Variants in OXCT1 observed in about 807,000 individuals in gnomAD.
The protein encoded by OXCT1 is succinyl-CoA:3-ketoacid coenzyme A transferase 1, mitochondrial.
In OXCT1, 27 loss-of-function variants were observed where a neutral mutation model predicts 69.6. The ratio of observed to expected loss-of-function variants is 0.39; its 90% confidence interval spans 0.29 to 0.54. The LOEUF is 0.54. Among genes scored for constraint, OXCT1 ranks in the 20% least tolerant of loss-of-function variants. The pLI is 0.72. For synonymous variants in OXCT1, 202 were observed against 217.8 expected (o/e 0.93, Z 0.64); for missense variants, 437 against 650.2 (o/e 0.67, Z 3.57).
chr5:41,840,086 C>A (rs1351358047), intron 7 of OXCT1, among the ~76,000 whole-genome samples: 1 of 152,198 alleles, frequency 6.6e-6, no homozygotes, highest in African/African-American at 2.4e-5. Flanking sequence ...AAATCTATCA[C>A]AGTAAGATCA....
At chr5:41,847,050 A>G (rs1159140329) in intron 5 of OXCT1, among the ~76,000 whole-genome samples, 10 of 152,154 alleles carry the variant, frequency 6.6e-5, no homozygotes, top group Admixed American at 2.6e-4. Context: ...AATAAAGAAA[A>G]AAAGAGAGAA....
chr5:41,845,837 A>C (rs1391943914), intron 5 of OXCT1, among the ~76,000 whole-genome samples: 1 of 152,154 alleles, frequency 6.6e-6, no homozygotes, highest in Non-Finnish European at 1.5e-5. Context: ...CTTTGTCAAG[A>C]AGCCTTTTAA....
At chr5:41,805,907 C>T (rs1268801845) in intron 8 of OXCT1, among the ~76,000 whole-genome samples, 8 of 152,050 alleles carry the variant, frequency 5.3e-5, no homozygotes, top group African/African-American at 1.2e-4. Context: ...GAGGAAGATA[C>T]GCTGTTCAGT....
intron 5 of OXCT1, among the ~76,000 whole-genome samples, chr5:41,847,954 C>A (rs1246036186): frequency 2.0e-5 from 3 of 150,348 alleles, no homozygotes; most frequent in Non-Finnish European, 3.0e-5. Context: ...AGAAGGAAAT[C>A]AAGGGTATTC....
At chr5:41,867,937 T>A (rs1034215479) in intron 1 of OXCT1, among the ~76,000 whole-genome samples, 1 of 152,206 alleles carries the variant, frequency 6.6e-6, no homozygotes, top group Non-Finnish European at 1.5e-5. Context: ...TATTTTCACC[T>A]AAGTCCATGC....
intron 13 of OXCT1, among the ~76,000 whole-genome samples, chr5:41,781,312 C>T (rs372196120): frequency 9.2e-5 from 14 of 152,220 alleles, no homozygotes; most frequent in African/African-American, 3.1e-4. Flanking sequence ...GTTAATACAA[C>T]ACCTAATACA....
intron 7 of OXCT1, among the ~76,000 whole-genome samples, chr5:41,811,942 T>C (rs1211646395): frequency 6.6e-6 from 1 of 152,092 alleles, no homozygotes; most frequent in African/African-American, 2.4e-5. Context: ...ATCACACTTA[T>C]GGTCATATAA....
chr5:41,734,680 G>A (rs1742799704), intron 16 of OXCT1, among the ~76,000 whole-genome samples: 1 of 152,086 alleles, frequency 6.6e-6, no homozygotes, highest in Non-Finnish European at 1.5e-5. Flanking sequence ...ATAAGCCAAA[G>A]GATTCCTTAG....
intron 13 of OXCT1, among the ~76,000 whole-genome samples, chr5:41,788,764 T>C (rs1022864201): frequency 1.3e-5 from 2 of 152,196 alleles, no homozygotes; most frequent in Non-Finnish European, 2.9e-5. Flanking sequence ...ACTTGAACAA[T>C]ACTAACTGCC....
rs1743688007 is a variant in OXCT1 at position 41,750,009 on chromosome 5, T to C, written c.1339-402A>G. On this transcript the variant is annotated intron_variant, in intron 14 of 16. Transcript: ENST00000196371. ...CACATACAGAACACAAATGCGTAAG[T>C]CCTCTTCTTAAAAAATACTTTATCT... Among the ~76,000 whole-genome samples the C allele has an allele frequency of 2.0e-5, 3 of 151,926 alleles. No homozygotes were observed. In the South Asian group the frequency reaches 6.2e-4, roughly 31 times the overall value.
chr5:41,864,656 T>C (rs1408946317), intron 1 of OXCT1, among the ~76,000 whole-genome samples: 2 of 152,176 alleles, frequency 1.3e-5, no homozygotes, highest in Non-Finnish European at 2.9e-5. Flanking sequence ...TTTTGAAGCT[T>C]AGAAGGATCT....
In OXCT1 at chr5:41,793,924, C is replaced by T. The variant is rs1003087906; in HGVS notation, c.1248+79G>A. 1.4e-5 allele frequency: 12 copies of T among 858,066 alleles called. No individual in the cohort carries two copies. The African/African-American group carries it at 2.0e-4, about 14-fold the overall frequency. 53.2% of individuals were successfully genotyped at this position (858,066 alleles called of 1,614,324 possible). The stretch of plus-strand genomic sequence containing the variant: ...TATTTCATTTTTAAAGAATCGTGAT[C>T]TCATGGCCCTTTTTCTTAGTATTTA... On this transcript the variant is annotated intron_variant, in intron 13 of 16. Coordinates refer to ENST00000196371, the MANE Select transcript of OXCT1 (RefSeq NM_000436.4).
chr5:41,858,330 A>G (rs1749522268), intron 3 of OXCT1, among the ~76,000 whole-genome samples: 1 of 152,180 alleles, frequency 6.6e-6, no homozygotes. Flanking sequence ...CCTTACCTAT[A>G]AAGGCTTACA....
chr5:41,802,317 GAAAT>G (rs1349404728), intron 10 of OXCT1, among the ~76,000 whole-genome samples: 2 of 151,932 alleles, frequency 1.3e-5, no homozygotes, highest in Non-Finnish European at 1.5e-5. Flanking sequence ...TATCTACTGA[GAAAT>G]AAAAGATTAT....
At chr5:41,785,855 GGGGT>G (rs1745615596) in intron 13 of OXCT1, among the ~76,000 whole-genome samples, 2 of 152,214 alleles carry the variant, frequency 1.3e-5, no homozygotes, top group Non-Finnish European at 2.9e-5. Flanking sequence ...AACCAAGGAA[GGGGT>G]AAGGGTATGC....
At chr5:41,825,596 T>C (rs369601135) in intron 7 of OXCT1, among the ~76,000 whole-genome samples, 3 of 152,158 alleles carry the variant, frequency 2.0e-5, no homozygotes, top group East Asian at 3.8e-4. Flanking sequence ...GTTCAGGGAG[T>C]TGTATGCCCA....
chr5:41,765,453 TA>T (rs1744552241), intron 13 of OXCT1, among the ~76,000 whole-genome samples: 1 of 152,018 alleles, frequency 6.6e-6, no homozygotes, highest in African/African-American at 2.4e-5. Flanking sequence ...TCAAAATGAG[TA>T]AAAAAATAAG....
intron 13 of OXCT1, among the ~76,000 whole-genome samples, chr5:41,778,687 C>T (rs1745243875): frequency 6.6e-6 from 1 of 152,204 alleles, no homozygotes. Context: ...AATGCCCCAC[C>T]ACATGCATTA....
chr5:41,768,927 C>T (rs1289949990), intron 13 of OXCT1, among the ~76,000 whole-genome samples: 1 of 152,114 alleles, frequency 6.6e-6, no homozygotes, highest in Non-Finnish European at 1.5e-5. Flanking sequence ...TTTCCTCACA[C>T]CCCAGTTCCC....
Sources: gnomAD v4.1 joint callset for allele counts (sites outside exome capture counted in the v4.1 genomes callset) on GRCh38, gnomAD v4.1.1 for gene constraint, MANE v1.5 for transcripts, NCBI Gene and HGNC (gene_info 2026-07-23, HGNC 2026-07-21) for gene names.